Variants in UNC5B observed in about 807,000 individuals in gnomAD.
UNC5B encodes the protein netrin receptor UNC5B.
A neutral mutation model predicts 103.7 loss-of-function variants in UNC5B; 56 were observed. That is an observed-to-expected ratio of 0.54 (90% confidence interval 0.44 to 0.67). UNC5B has a LOEUF of 0.67. Ranked by LOEUF, UNC5B falls within the 30% of genes least tolerant of loss-of-function variation. The pLI is 0.00. For synonymous variants in UNC5B, 577 were observed against 542.0 expected, an observed-to-expected ratio of 1.06 and a Z score of -0.90; for missense variants, 1,194 against 1,284.5, an observed-to-expected ratio of 0.93 and a Z score of 1.08.
rs868665133 is a variant in UNC5B at position 71,213,710 on chromosome 10, A to C, written c.79+646A>C. Reference sequence around the variant, plus strand: ...ATTATTATTATTATTATTATTATTAATTTTCTGAGTGTTGGAGAGTGTGTG... The same window carrying C: ...ATTATTATTATTATTATTATTATTACTTTTCTGAGTGTTGGAGAGTGTGTG... On this transcript the variant is annotated intron_variant, in intron 1 of 16. Transcript: ENST00000335350. The surrounding 1 kb of genome is among the most constrained non-coding windows in gnomAD (Gnocchi z 4.1). 1.4e-5 allele frequency among the ~76,000 whole-genome samples: 1 copy of C among 69,278 alleles called. No individual in the cohort carries two copies. The highest frequency in any genetic ancestry group is 3.0e-5 in the Non-Finnish European group (1 of 33,078). 45.4% of individuals were successfully genotyped at this position (69,278 alleles called of 152,430 possible).
chr10:71,254,534 C>T (rs1001042663), intron 1 of UNC5B, among the ~76,000 whole-genome samples: 1 of 152,222 alleles, frequency 6.6e-6, no homozygotes, highest in Non-Finnish European at 1.5e-5. Flanking sequence ...CTTACTGTCT[C>T]CAGGCCCCCT....
At chr10:71,255,246 C>T (rs922762637) in intron 1 of UNC5B, among the ~76,000 whole-genome samples, 5 of 152,224 alleles carry the variant, frequency 3.3e-5, no homozygotes, top group Admixed American at 3.3e-4. Flanking sequence ...TCCATGCTCA[C>T]AGCTTGGTTG....
chr10:71,291,341 A>G lies in UNC5B; in HGVS notation c.1295-91A>G, dbSNP rs1190988515. The G allele has an allele frequency of 3.6e-5, 54 of 1,515,628 alleles. No individual in the cohort carries two copies. The Admixed American group carries it at 7.9e-4, about 22-fold the overall frequency. The allele number at this position is 1,515,628 out of a possible 1,614,324, so 93.9% of individuals were successfully genotyped here. Reference sequence around the variant, plus strand: ...GCAGCTGGCAGCAATTGGGCCTTTCACAGCTGGACATTTGGGTGGGATTTT... The same window carrying G: ...GCAGCTGGCAGCAATTGGGCCTTTCGCAGCTGGACATTTGGGTGGGATTTT... On this transcript the variant is annotated intron_variant, in intron 9 of 16. Coordinates refer to ENST00000335350, the MANE Select transcript of UNC5B (RefSeq NM_170744.5).
intron 1 of UNC5B, among the ~76,000 whole-genome samples, chr10:71,274,564 G>A (rs1426794613): frequency 6.6e-6 from 1 of 152,104 alleles, no homozygotes; most frequent in Non-Finnish European, 1.5e-5. Flanking sequence ...CGTTGGATGA[G>A]ATGGCCCTTT....
intron 1 of UNC5B, among the ~76,000 whole-genome samples, chr10:71,266,563 A>G (rs981098385): frequency 6.6e-6 from 1 of 152,148 alleles, no homozygotes; most frequent in Admixed American, 6.5e-5. Flanking sequence ...TCCGCCCCAC[A>G]CGAGTCTGTT....
chr10:71,298,492 G>A (rs1845502084), intron 16 of UNC5B, among the ~76,000 whole-genome samples: 1 of 152,096 alleles, frequency 6.6e-6, no homozygotes, highest in Admixed American at 6.5e-5. Context: ...ATACACTTTG[G>A]TGTCAAAACT....
At chr10:71,291,871 G>C in intron 10 of UNC5B, 50 bp downstream of exon 10, 1 of 1,542,102 alleles carries the variant, frequency 6.5e-7, no homozygotes, top group Non-Finnish European at 8.7e-7. Context: ...CACCTCCTCT[G>C]TGGACTGCCC....
chr10:71,244,801 C>T (rs1156960894), intron 1 of UNC5B, among the ~76,000 whole-genome samples: 2 of 152,296 alleles, frequency 1.3e-5, no homozygotes, highest in East Asian at 3.9e-4. Flanking sequence ...TGCCTGTGTG[C>T]GCCGAACTGG....
At chr10:71,278,218 G>A (rs1339278372) in intron 1 of UNC5B, among the ~76,000 whole-genome samples, 3 of 152,172 alleles carry the variant, frequency 2.0e-5, no homozygotes, top group African/African-American at 7.2e-5. Flanking sequence ...CTGATGCTGG[G>A]TGAGCCTTAG....
intron 1 of UNC5B, among the ~76,000 whole-genome samples, chr10:71,225,400 C>G (rs1396105190): frequency 6.6e-6 from 1 of 152,228 alleles, no homozygotes; most frequent in Non-Finnish European, 1.5e-5. Context: ...ACCTCCCATG[C>G]CTGGCTGGCC....
Position 71,291,743 on chromosome 10 carries a change from G to A in UNC5B, c.1606G>A (p.Gly536Ser), listed in dbSNP as rs370969984. The A allele has an allele frequency of 7.4e-6, 12 of 1,610,932 alleles. No homozygotes were observed. Among genetic ancestry groups the A allele is most frequent in the Middle Eastern group, 3.3e-4 (2 of 6,084 alleles). Residue 536 changes from glycine to serine, a missense_variant, in exon 10 of 17, where the codon GGC becomes AGC. Transcript: ENST00000335350. The part of the protein sequence containing the change: ...SASLGSQQLL[G>S]LPRDPGSSVS... ...CAGCCTCGGTTCCCAGCAGCTCTTG[G>A]GCCTGCCCCGAGACCCAGGGAGCAG...
chr10:71,251,423 C>T (rs1589166173), intron 1 of UNC5B, among the ~76,000 whole-genome samples: 1 of 152,126 alleles, frequency 6.6e-6, no homozygotes, highest in Non-Finnish European at 1.5e-5. Context: ...CATTTAAAGG[C>T]AAATTGGATT....
chr10:71,221,585 T>C (rs779052057), intron 1 of UNC5B, among the ~76,000 whole-genome samples: 13 of 152,326 alleles, frequency 8.5e-5, no homozygotes, highest in South Asian at 4.2e-4. Flanking sequence ...TTAAAAACCA[T>C]GGGCCTGACT....
At chr10:71,228,520 G>GA (rs2132247085) in intron 1 of UNC5B, among the ~76,000 whole-genome samples, 2 of 152,284 alleles carry the variant, frequency 1.3e-5, no homozygotes, top group African/African-American at 4.8e-5. Flanking sequence ...AAATATCAAG[G>GA]AACAAAGGAT....
At chr10:71,265,729 C>T (rs753574914) in intron 1 of UNC5B, among the ~76,000 whole-genome samples, 4 of 152,196 alleles carry the variant, frequency 2.6e-5, no homozygotes, top group Admixed American at 6.5e-5. Context: ...AGCCGGGCAG[C>T]GAGCACAGTG....
At chr10:71,281,955 G>A (rs1404194671) in intron 2 of UNC5B, among the ~76,000 whole-genome samples, 2 of 152,226 alleles carry the variant, frequency 1.3e-5, no homozygotes, top group Non-Finnish European at 2.9e-5. Flanking sequence ...GCCTGTATCA[G>A]AGGTCAGCCA....
chr10:71,217,692 TC>T (rs1843361664), intron 1 of UNC5B: 1 of 151,364 alleles, frequency 6.6e-6, no homozygotes, highest in Admixed American at 6.6e-5. Flanking sequence ...GCCTCCCCGC[TC>T]CCCCACCCCC....
intron 1 of UNC5B, among the ~76,000 whole-genome samples, chr10:71,254,723 C>T (rs1217726734): frequency 1.3e-5 from 2 of 152,226 alleles, no homozygotes; most frequent in Non-Finnish European, 1.5e-5. Flanking sequence ...GGGTGGATGA[C>T]CACCACCCAG....
intron 14 of UNC5B, 131 bp from the exon 15 acceptor site, chr10:71,296,445 CTT>C: frequency 9.5e-7 from 1 of 1,057,838 alleles, no homozygotes; most frequent in Non-Finnish European, 1.3e-6. Flanking sequence ...GCTTAGGGCA[CTT>C]GACCCCTCCC....
Sources: gnomAD v4.1 joint callset for allele counts (sites outside exome capture counted in the v4.1 genomes callset) on GRCh38, gnomAD v4.1.1 for gene constraint, Gnocchi (gnomAD v3.1) non-coding constraint, MANE v1.5 for transcripts, NCBI Gene and HGNC (gene_info 2026-07-23, HGNC 2026-07-21) for gene names.